The following CFAP97 variants were observed in gnomAD, a reference collection of about 807,000 sequenced individuals.
The protein encoded by CFAP97 is cilia- and flagella-associated protein 97.
CFAP97 carries 36 observed loss-of-function variants against 43.1 expected under a neutral mutation model. The ratio of observed to expected loss-of-function variants is 0.84; its 90% CI spans 0.64 to 1.10. CFAP97 has a LOEUF of 1.10. CFAP97 is among the 50% of genes least tolerant of loss of function. The pLI, the probability that CFAP97 is intolerant of heterozygous loss-of-function variation, is 0.00. For missense variants in CFAP97, 657 were observed against 620.3 expected (o/e 1.06, Z -0.63); for synonymous variants, 228 against 225.7 (o/e 1.01, Z -0.09).
upstream of CFAP97, chr4:185,210,065 A>C: frequency 1.0e-6 from 1 of 983,038 alleles, no homozygotes; most frequent in Non-Finnish European, 1.2e-6. This position sits in a 1 kb window ranked among gnomAD's most constrained non-coding sequence, Gnocchi z 4.4. Context: ...GGCAGCGGGG[A>C]GGCGGCGGGG....
chr4:185,187,035 A>G (rs566207165), intron 2 of CFAP97, among the ~76,000 whole-genome samples: 1 of 152,334 alleles, frequency 6.6e-6, no homozygotes, highest in African/African-American at 2.4e-5. Flanking sequence ...CACAGACTGG[A>G]AAGTGGCCAT....
chr4:185,202,571 T>C (rs1191197197), intron 1 of CFAP97, among the ~76,000 whole-genome samples: 1 of 137,732 alleles, frequency 7.3e-6, no homozygotes, highest in African/African-American at 2.7e-5. Flanking sequence ...ACAAAAAAAA[T>C]CACCGGGTTT....
chr4:185,167,534 T>C (rs1359679203), intron 3 of CFAP97, among the ~76,000 whole-genome samples: 1 of 152,124 alleles, frequency 6.6e-6, no homozygotes, highest in Non-Finnish European at 1.5e-5. Context: ...AAATATAAGC[T>C]ATATGGTCAG....
upstream of CFAP97, among the ~76,000 whole-genome samples, chr4:185,208,824 A>G (rs1370806838): frequency 6.6e-6 from 1 of 152,254 alleles, no homozygotes; most frequent in Non-Finnish European, 1.5e-5. Flanking sequence ...TAGTCTTAGC[A>G]GTAATTGCCA....
At chr4:185,206,660 C>CA (rs375061067), upstream of CFAP97, among the ~76,000 whole-genome samples, 3,789 of 77,270 alleles carry the variant, frequency 0.049, 260 homozygotes, top group African/African-American at 0.12. Context: ...ACTCTTGTCT[C>CA]AAAAAAAAAA....
rs538634754 is a variant in CFAP97, at chr4:185,164,098, T to C, written c.1402A>G (p.Met468Val). ...AATGGTGATGAGTTGAGATAGCCCA[T>C]ATTGCGATGATAGTCCATCAGTTGT... ...SEQLMDYHRNMGYLNSSPLSR... is the reference protein window; with the variant it reads ...SEQLMDYHRNVGYLNSSPLSR... The change falls in exon 4 of 5, where the codon ATG becomes GTG. Residue 468 changes from methionine (M) to valine (V), a missense_variant. By Grantham distance (21) the Met-to-Val change is conservative. Coordinates refer to ENST00000458385, the MANE Select transcript of CFAP97 (RefSeq NM_020827.3). 12 of 1,614,004 alleles carry C rather than the reference T, an allele frequency of 7.4e-6. No individual in the cohort carries two copies. In the South Asian group the frequency reaches 1.1e-4, roughly 15 times the overall value.
At chr4:185,166,369 C>T (rs1346616069) in intron 3 of CFAP97, among the ~76,000 whole-genome samples, 1 of 152,158 alleles carries the variant, frequency 6.6e-6, no homozygotes, top group Non-Finnish European at 1.5e-5. Context: ...AGTGCATTTG[C>T]TGTTTTGTCT....
At chr4:185,195,491 CAAAT>C (rs1473472370) in intron 1 of CFAP97, among the ~76,000 whole-genome samples, 4 of 152,130 alleles carry the variant, frequency 2.6e-5, no homozygotes, top group East Asian at 3.9e-4. Context: ...TCAAAATAAA[CAAAT>C]AAATAAGCAA....
At chr4:185,164,644 A>C (rs1456251386) in intron 3 of CFAP97, among the ~76,000 whole-genome samples, 1 of 152,200 alleles carries the variant, frequency 6.6e-6, no homozygotes, top group African/African-American at 2.4e-5. Context: ...CAGAAACTAA[A>C]AACCATGGCT....
intron 2 of CFAP97, among the ~76,000 whole-genome samples, chr4:185,179,513 G>A (rs369950207): frequency 2.0e-5 from 3 of 152,180 alleles, no homozygotes; most frequent in African/African-American, 4.8e-5. Flanking sequence ...TGGAACACAC[G>A]TGCTTAGAAT....
chr4:185,164,230 T>C, intron 3 of CFAP97, 51 bp from the exon 4 acceptor site: 1 of 1,554,114 alleles, frequency 6.4e-7, no homozygotes, highest in African/African-American at 1.4e-5. Flanking sequence ...GCAATCATTT[T>C]TAACAAGGCA....
chr4:185,190,766 T>A lies in CFAP97; in HGVS notation c.431A>T (p.Lys144Ile), dbSNP rs372869951. 3.6e-5 allele frequency: 57 copies of A among 1,599,944 alleles called. No individual in the cohort carries two copies. Among genetic ancestry groups the A allele is most frequent in the Non-Finnish European group, 4.4e-5 (52 of 1,172,316 alleles). The change falls in exon 2 of 5, where the codon AAA becomes ATA. Residue 144 changes from lysine to isoleucine, a missense_variant. Lys to Ile is a moderately radical substitution (Grantham distance 102). Transcript: ENST00000458385. ...AGCGGACTTGGACTTCACATGGTAT[T>A]TCTTCCCATCATCACTGCTTTCCTC... ...DGEESSDDGK[K>I]YHVKSKSAKP...
chr4:185,193,109 T>C (rs1013076210), intron 1 of CFAP97, among the ~76,000 whole-genome samples: 1 of 152,124 alleles, frequency 6.6e-6, no homozygotes, highest in Non-Finnish European at 1.5e-5. Context: ...GGGGACTGCA[T>C]TTCTGGAGGC....
intron 2 of CFAP97, among the ~76,000 whole-genome samples, chr4:185,182,712 T>C (rs1735850329): frequency 6.6e-6 from 1 of 152,230 alleles, no homozygotes; most frequent in South Asian, 2.1e-4. Flanking sequence ...TGTCTCGTCA[T>C]TCCATGCCCT....
chr4:185,201,638 A>G (rs1044810936), intron 1 of CFAP97, among the ~76,000 whole-genome samples: 1 of 152,234 alleles, frequency 6.6e-6, no homozygotes, highest in African/African-American at 2.4e-5. Context: ...GCATAATACC[A>G]TTGTACCCTT....
At chr4:185,192,991 C>T (rs556089556) in intron 1 of CFAP97, among the ~76,000 whole-genome samples, 30 of 152,176 alleles carry the variant, frequency 2.0e-4, no homozygotes, top group African/African-American at 6.7e-4. Context: ...CCGCCCACCT[C>T]GGCCTCCCAA....
intron 2 of CFAP97, among the ~76,000 whole-genome samples, chr4:185,187,718 C>G (rs1327332876): frequency 1.3e-5 from 2 of 151,386 alleles, no homozygotes; most frequent in East Asian, 1.9e-4. Flanking sequence ...ATACAACGTA[C>G]AGCAATGGTT....
intron 3 of CFAP97, chr4:185,169,621 T>A (rs1209314259): frequency 4.1e-6 from 4 of 984,720 alleles, no homozygotes; most frequent in Non-Finnish European, 4.8e-6. Context: ...GGAAAAAAAA[T>A]TAACCTAGCC....
chr4:185,176,948 G>C (rs1238810757), intron 2 of CFAP97, among the ~76,000 whole-genome samples: 2 of 152,074 alleles, frequency 1.3e-5, no homozygotes, highest in Non-Finnish European at 2.9e-5. Flanking sequence ...TAAACAGAAA[G>C]GTGTTTTTAG....
Sources: gnomAD v4.1 joint callset for allele counts (sites outside exome capture counted in the v4.1 genomes callset) on GRCh38, gnomAD v4.1.1 for gene constraint, Gnocchi (gnomAD v3.1) non-coding constraint, MANE v1.5 for transcripts, NCBI Gene and HGNC (gene_info 2026-07-23, HGNC 2026-07-21) for gene names.